Variants in PARD3 observed in about 807,000 individuals in gnomAD.
The protein encoded by PARD3 is partitioning defective 3 homolog.
In PARD3, 75 loss-of-function variants were observed where a neutral mutation model predicts 155.4. That is an observed-to-expected ratio of 0.48 (90% CI 0.40 to 0.58). The LOEUF (loss-of-function observed/expected upper bound fraction) is 0.58, where lower values mean the gene tolerates loss of function less well. PARD3 is among the 20% of genes least tolerant of loss of function. PARD3 has a pLI of 0.00. For synonymous variants in PARD3, 576 were observed against 610.5 expected (o/e 0.94, Z 0.83); for missense variants, 1,642 against 1,721.7 (o/e 0.95, Z 0.82).
chr10:34,335,448 G>A (rs1016280172), intron 18 of PARD3, among the ~76,000 whole-genome samples: 3 of 151,930 alleles, frequency 2.0e-5, no homozygotes, highest in African/African-American at 7.2e-5. Flanking sequence ...AGTCATAAAT[G>A]GTCAATTATA....
In PARD3 at chr10:34,533,804, T is replaced by TA. The variant is rs572472221; in HGVS notation, c.223-16646dup. 3.7e-3 allele frequency among the ~76,000 whole-genome samples: 562 copies of TA among 150,760 alleles called. 15 individuals carry two copies. The highest frequency in any genetic ancestry group is 0.031 in the Admixed American group (468 of 15,114). The stretch of plus-strand genomic sequence containing the variant: ...CTGGGTGACAGAGCAAGACTCCATC[T>TA]AAAAAAACAACAAAAAAAAACAGAC... On this transcript the variant is annotated intron_variant, in intron 2 of 24. Coordinates refer to ENST00000374788, the MANE Select transcript of PARD3 (RefSeq NM_001184785.2).
chr10:34,216,154 G>A (rs58580933), intron 22 of PARD3, among the ~76,000 whole-genome samples: 2 of 152,192 alleles, frequency 1.3e-5, no homozygotes, highest in South Asian at 2.1e-4. Context: ...CTAAGATGGC[G>A]CCACAACATT....
chr10:34,161,349 A>G (rs1481289705), intron 22 of PARD3, among the ~76,000 whole-genome samples: 2 of 152,108 alleles, frequency 1.3e-5, no homozygotes, highest in East Asian at 3.9e-4. Context: ...CTAAGAGAGT[A>G]AAGAATGGAT....
chr10:34,578,371 T>C (rs867224944), intron 2 of PARD3, among the ~76,000 whole-genome samples: 1 of 152,206 alleles, frequency 6.6e-6, no homozygotes, highest in Non-Finnish European at 1.5e-5. Context: ...CAAGGTCTGA[T>C]TTTCAAAATT....
chr10:34,209,768 T>C (rs1423721487), intron 22 of PARD3, among the ~76,000 whole-genome samples: 1 of 152,210 alleles, frequency 6.6e-6, no homozygotes. Context: ...AGAAAATGCA[T>C]GCAAATTCTT....
chr10:34,442,284 G>C (rs541966248), intron 5 of PARD3, among the ~76,000 whole-genome samples: 2 of 152,260 alleles, frequency 1.3e-5, no homozygotes, highest in African/African-American at 4.8e-5. Context: ...CTATCCTTAA[G>C]TCTCACCAAT....
intron 22 of PARD3, among the ~76,000 whole-genome samples, chr10:34,208,997 T>C (rs1200143074): frequency 6.6e-6 from 1 of 152,200 alleles, no homozygotes. Context: ...AATAGATACA[T>C]TATGGTGAAA....
chr10:34,682,133 A>T (rs902266288), intron 2 of PARD3, among the ~76,000 whole-genome samples: 1 of 152,094 alleles, frequency 6.6e-6, no homozygotes, highest in Non-Finnish European at 1.5e-5. Context: ...GACACTACCC[A>T]CAAGTGCTGA....
intron 22 of PARD3, among the ~76,000 whole-genome samples, chr10:34,255,340 A>G (rs1373351826): frequency 6.6e-6 from 1 of 152,186 alleles, no homozygotes; most frequent in African/African-American, 2.4e-5. Context: ...CAACCTCAGC[A>G]CACCCCAATT....
intron 2 of PARD3, among the ~76,000 whole-genome samples, chr10:34,533,838 CA>C (rs1190051737): frequency 6.6e-6 from 1 of 151,424 alleles, no homozygotes; most frequent in Non-Finnish European, 1.5e-5. Context: ...ACTATTGACC[CA>C]AAAGTACACT....
rs114148690 is a variant in PARD3 at position 34,755,714 on chromosome 10, A to G, written c.120+59162T>C. 9.5e-3 allele frequency among the ~76,000 whole-genome samples: 1,452 copies of G among 152,302 alleles called. 20 individuals are homozygous for G. Among genetic ancestry groups the G allele is most frequent in the African/African-American group, 0.032 (1,336 of 41,562 alleles). Reference sequence around the variant, plus strand: ...TCAAAGATTTGGCATTAAACTGGGAATTGAGATGAGGAATGGGAAAAAGAA... The same window carrying G: ...TCAAAGATTTGGCATTAAACTGGGAGTTGAGATGAGGAATGGGAAAAAGAA... On this transcript the variant is annotated intron_variant, in intron 1 of 24. Coordinates refer to ENST00000374788, the MANE Select transcript of PARD3 (RefSeq NM_001184785.2).
At chr10:34,345,667 G>A in intron 15 of PARD3, 1 of 985,392 alleles carries the variant, frequency 1.0e-6, no homozygotes, top group Non-Finnish European at 1.2e-6. Flanking sequence ...TCATGACTCA[G>A]AAAAACATAA....
chr10:34,394,654 G>C (rs1843154004), intron 7 of PARD3, among the ~76,000 whole-genome samples: 1 of 152,096 alleles, frequency 6.6e-6, no homozygotes, highest in Non-Finnish European at 1.5e-5. Flanking sequence ...CATTTCATAG[G>C]TCCAGTCCCT....
At position 34,489,031 on chromosome 10, in the gene PARD3, C is replaced by T. The variant is rs375108554; in HGVS notation, c.404-18768G>A. Among the ~76,000 whole-genome samples, 16 of 152,308 alleles carry T rather than the reference C, an allele frequency of 1.1e-4. No individual in the cohort carries two copies. The East Asian group carries it at 2.3e-3, about 22-fold the overall frequency. ...AGCTTTCTAAGGAGGTTTACAAAGT[C>T]TTTCTTCCAAAGACAAATATCTACA... On this transcript the variant is annotated intron_variant, in intron 3 of 24. Coordinates refer to ENST00000374788, the MANE Select transcript of PARD3 (RefSeq NM_001184785.2).
At chr10:34,481,309 T>A (rs993855701) in intron 3 of PARD3, among the ~76,000 whole-genome samples, 3 of 151,994 alleles carry the variant, frequency 2.0e-5, no homozygotes, top group African/African-American at 7.3e-5. Context: ...TTTCCTTTCA[T>A]CCCCAGGGTA....
chr10:34,773,033 G>A (rs1259185853), intron 1 of PARD3, among the ~76,000 whole-genome samples: 1 of 151,974 alleles, frequency 6.6e-6, no homozygotes, highest in Admixed American at 6.6e-5. Flanking sequence ...GAACCACACG[G>A]CACACCAAAA....
intron 12 of PARD3, among the ~76,000 whole-genome samples, chr10:34,371,510 A>C (rs1589341570): frequency 1.5e-5 from 2 of 129,868 alleles, no homozygotes; most frequent in South Asian, 2.7e-4. Context: ...AAAAAAAAAA[A>C]AAAAAAAAAA....
intron 1 of PARD3, among the ~76,000 whole-genome samples, chr10:34,812,481 T>C (rs183585393): frequency 1.3e-5 from 2 of 152,190 alleles, no homozygotes; most frequent in Admixed American, 1.3e-4. Flanking sequence ...GTTAAATACA[T>C]ATTAACACTT....
At chr10:34,116,555 T>C (rs534068330) in intron 24 of PARD3, among the ~76,000 whole-genome samples, 41 of 152,256 alleles carry the variant, frequency 2.7e-4, no homozygotes, top group Admixed American at 9.8e-4. Flanking sequence ...TGCCACAGAG[T>C]GGGGCTGCTT....
Sources: allele counts gnomAD v4.1 joint callset (sites outside exome capture counted in the v4.1 genomes callset), GRCh38; gene constraint gnomAD v4.1.1; transcripts MANE v1.5; gene names NCBI Gene and HGNC (gene_info 2026-07-23, HGNC 2026-07-21).